The following EEF1AKMT2 variants were observed in gnomAD, a reference collection of about 807,000 sequenced individuals.
EEF1AKMT2 encodes eukaryotic translation elongation factor 1 alpha lysine methyltransferase 2.
Under a neutral mutation model 35.8 loss-of-function variants are expected in EEF1AKMT2, and 32 were observed. The observed-to-expected ratio is 0.89, with a 90% CI of 0.67 to 1.20. The LOEUF (loss-of-function observed/expected upper bound fraction) is 1.20, where lower values mean the gene tolerates loss of function less well. Among genes scored for constraint, EEF1AKMT2 ranks in the 50% most tolerant of loss-of-function variants. EEF1AKMT2 has a pLI of 0.00. For synonymous variants in EEF1AKMT2, 121 were observed against 133.7 expected, an observed-to-expected ratio of 0.91 and a Z score of 0.65; for missense variants, 330 against 347.5, an observed-to-expected ratio of 0.95 and a Z score of 0.40.
At chr10:124,774,815 A>C in intron 3 of EEF1AKMT2, 33 bp from the exon 4 acceptor site, 1 of 1,023,360 alleles carries the variant, frequency 9.8e-7, no homozygotes, top group Non-Finnish European at 1.4e-6. Flanking sequence ...TTTAGTATAA[A>C]ATTTTAATAT....
chr10:124,775,455 G>A (rs1174176181), intron 3 of EEF1AKMT2, among the ~76,000 whole-genome samples: 1 of 152,116 alleles, frequency 6.6e-6, no homozygotes, highest in African/African-American at 2.4e-5. Context: ...AAGCATGGAA[G>A]CTTCTGGTCT....
intron 3 of EEF1AKMT2, among the ~76,000 whole-genome samples, chr10:124,785,895 C>CAAAAAAAAA (rs34637624): frequency 1.7e-5 from 1 of 59,464 alleles, no homozygotes; most frequent in Non-Finnish European, 2.9e-5. Flanking sequence ...GACTCTGTCT[C>CAAAAAAAAA]AAAAAAAAAA....
At position 124,765,467 on chromosome 10, in the gene EEF1AKMT2, A is replaced by C; in HGVS notation, c.541T>G (p.Leu181Val). 4 of 1,614,034 alleles carry C rather than the reference A, an allele frequency of 2.5e-6. No individual in the cohort carries two copies. The highest frequency in any genetic ancestry group is 3.4e-6 in the Non-Finnish European group (4 of 1,179,978). Residue 181 changes from leucine to valine, a missense_variant, in exon 5 of 7, where the codon TTG becomes GTG. Physicochemically the swap from Leu to Val is conservative, Grantham distance 32. Coordinates refer to ENST00000368836, the MANE Select transcript of EEF1AKMT2 (RefSeq NM_212554.4). Reference sequence around the variant, plus strand: ...ATTAGAAAAAAGCCTTTTACTTTCAACACCCTGGAGAGAGATTTCACATAT... The same window carrying C: ...ATTAGAAAAAAGCCTTTTACTTTCACCACCCTGGAGAGAGATTTCACATAT... ...KQYVKSLSRV[L>V]KVKGFFLITS...
At chr10:124,787,953 A>G (rs1044108948) in intron 3 of EEF1AKMT2, among the ~76,000 whole-genome samples, 1 of 152,186 alleles carries the variant, frequency 6.6e-6, no homozygotes, top group East Asian at 1.9e-4. Context: ...TCTTCTAATC[A>G]TATTCCACTA....
intron 2 of EEF1AKMT2, among the ~76,000 whole-genome samples, 190 bp downstream of exon 2, chr10:124,790,083 C>T (rs1176969941): frequency 6.6e-6 from 1 of 152,062 alleles, no homozygotes; most frequent in African/African-American, 2.4e-5. Context: ...TTCGTAGAGA[C>T]AGGGTTTCAC....
chr10:124,782,255 G>C (rs1950546175), intron 3 of EEF1AKMT2, among the ~76,000 whole-genome samples: 1 of 152,170 alleles, frequency 6.6e-6, no homozygotes, highest in African/African-American at 2.4e-5. Context: ...CCAGCACAAA[G>C]GGAGGCTGAG....
chr10:124,771,158 G>A (rs1049188478), intron 4 of EEF1AKMT2, among the ~76,000 whole-genome samples: 4 of 151,228 alleles, frequency 2.6e-5, no homozygotes, highest in South Asian at 2.1e-4. Context: ...GGAGTGCAGC[G>A]GCTAGATCTC....
At chr10:124,777,535 T>C (rs1189218837) in intron 3 of EEF1AKMT2, among the ~76,000 whole-genome samples, 1 of 151,986 alleles carries the variant, frequency 6.6e-6, no homozygotes, top group Non-Finnish European at 1.5e-5. Flanking sequence ...TTTTTTTTTT[T>C]TGAGACAGGG....
chr10:124,756,552 T>A (rs944836983), downstream of EEF1AKMT2, among the ~76,000 whole-genome samples: 1 of 152,252 alleles, frequency 6.6e-6, no homozygotes, highest in African/African-American at 2.4e-5. Flanking sequence ...ATCAGTCTAA[T>A]ACACTGTGTT....
Position 124,791,815 on chromosome 10 carries a change from CG to C in EEF1AKMT2, c.18del (p.Asp6GlufsTer60), listed in dbSNP as rs1564912765. On this transcript the variant is annotated frameshift_variant, in exon 1 of 7. Coordinates refer to ENST00000368836, the MANE Select transcript of EEF1AKMT2 (RefSeq NM_212554.4). LOFTEE classifies it high-confidence loss of function. ...GCCGCCACCGCAGCGCCACCGCCGC[CG>C]TCAGCGCCCGAGCTCATTTCGCTCC... is the stretch of plus-strand genomic sequence containing the variant. MSSGADGGGGAAVAAR... is the reference protein window; with the variant it reads MSSGAXGGGGAAVAAR... 6.3e-7 allele frequency: 1 copy of C among 1,583,148 alleles called. No individual in the cohort carries two copies. Among genetic ancestry groups the C allele is most frequent in the Non-Finnish European group, 8.5e-7 (1 of 1,170,512 alleles).
At chr10:124,787,575 C>T (rs959087604) in intron 3 of EEF1AKMT2, among the ~76,000 whole-genome samples, 3 of 149,604 alleles carry the variant, frequency 2.0e-5, no homozygotes, top group African/African-American at 7.4e-5. Flanking sequence ...ATAGTGGTTA[C>T]TTTTAAAAAG....
In EEF1AKMT2 at chr10:124,765,606, T is replaced by C. The variant is rs763787048; in HGVS notation, c.402A>G (p.Val134=). ...GTGTGGAGAGATTCAAAAAGTCTTC[T>C]ACCTATATTAAAAGTCAATGTCTAT... is the stretch of plus-strand genomic sequence containing the variant. ...KEGLSNIKLK[V]EDFLNLSTQL... Residue 134 remains valine, a splice_region_variant and synonymous_variant, in exon 5 of 7, where the codon GTA becomes GTG. Coordinates refer to ENST00000368836, the MANE Select transcript of EEF1AKMT2 (RefSeq NM_212554.4). 1.9e-6 allele frequency: 3 copies of C among 1,611,726 alleles called. No homozygotes were observed. Among genetic ancestry groups the C allele is most frequent in the Non-Finnish European group, 2.5e-6 (3 of 1,178,674 alleles).
intron 1 of EEF1AKMT2, among the ~76,000 whole-genome samples, chr10:124,790,852 C>A (rs1345465050): frequency 6.6e-6 from 1 of 152,194 alleles, no homozygotes; most frequent in Non-Finnish European, 1.5e-5. Context: ...GCAACCTCCG[C>A]CTCCCGGGTT....
At chr10:124,790,786 G>C (rs999931245) in intron 1 of EEF1AKMT2, among the ~76,000 whole-genome samples, 3 of 151,822 alleles carry the variant, frequency 2.0e-5, no homozygotes, top group African/African-American at 7.3e-5. Context: ...CTTTTTTTGA[G>C]ACGGAGTCAC....
intron 3 of EEF1AKMT2, among the ~76,000 whole-genome samples, chr10:124,779,480 C>T (rs1327972314): frequency 6.6e-6 from 1 of 151,518 alleles, no homozygotes; most frequent in Non-Finnish European, 1.5e-5. Flanking sequence ...GGCGCAGTGG[C>T]TCACGCCTGT....
At chr10:124,771,597 T>C (rs927419586) in intron 4 of EEF1AKMT2, among the ~76,000 whole-genome samples, 2 of 151,890 alleles carry the variant, frequency 1.3e-5, no homozygotes, top group South Asian at 2.1e-4. Context: ...CGGCTGGGCA[T>C]GGTGGCTCAC....
intron 3 of EEF1AKMT2, among the ~76,000 whole-genome samples, chr10:124,775,987 G>A (rs1006561945): frequency 8.0e-5 from 12 of 150,628 alleles, no homozygotes; most frequent in South Asian, 2.1e-4. Context: ...GCACGATCTC[G>A]GCTCACTGAA....
At chr10:124,780,362 G>C (rs1345533513) in intron 3 of EEF1AKMT2, among the ~76,000 whole-genome samples, 1 of 152,126 alleles carries the variant, frequency 6.6e-6, no homozygotes, top group Admixed American at 6.5e-5. Flanking sequence ...AATTCACATT[G>C]TGAAAAACCA....
intron 3 of EEF1AKMT2, among the ~76,000 whole-genome samples, chr10:124,788,270 A>G (rs181831042): frequency 6.6e-6 from 1 of 151,586 alleles, no homozygotes; most frequent in Non-Finnish European, 1.5e-5. Flanking sequence ...ATGCTTCCCT[A>G]CCCCTCCACT....
Sources: allele counts gnomAD v4.1 joint callset (sites outside exome capture counted in the v4.1 genomes callset), GRCh38; gene constraint gnomAD v4.1.1; transcripts MANE v1.5; gene names NCBI Gene and HGNC (gene_info 2026-07-23, HGNC 2026-07-21).